Variants in MAPK6 observed in about 807,000 individuals in gnomAD.
The protein encoded by MAPK6 is ERK-3.
MAPK6 carries 19 observed loss-of-function variants against 59.3 expected under a neutral mutation model. The ratio of observed to expected loss-of-function variants is 0.32; its 90% confidence interval spans 0.22 to 0.47. MAPK6 has a LOEUF of 0.47. MAPK6 is among the 20% of genes least tolerant of loss of function. MAPK6 has a pLI of 1.00. For missense variants in MAPK6, 724 were observed against 847.9 expected (o/e 0.85, Z 1.81); for synonymous variants, 316 against 290.3 (o/e 1.09, Z -0.90).
chr15:52,060,280 A>G (rs993280303), intron 4 of MAPK6, among the ~76,000 whole-genome samples: 2 of 152,172 alleles, frequency 1.3e-5, no homozygotes, highest in Non-Finnish European at 2.9e-5. Context: ...TTCTTTCTAG[A>G]GTACAGGTTG....
chr15:51,991,146 TATACAC>T (rs1376476407), intron 2 of MAPK6, among the ~76,000 whole-genome samples: 24 of 120,428 alleles, frequency 2.0e-4, no homozygotes, highest in African/African-American at 7.1e-4. Context: ...AATATATATA[TATACAC>T]ACACACACAC....
chr15:52,050,994 G>A (rs2031759590), intron 3 of MAPK6, among the ~76,000 whole-genome samples: 1 of 152,126 alleles, frequency 6.6e-6, no homozygotes, highest in African/African-American at 2.4e-5. Flanking sequence ...TTTTTAGTTG[G>A]GGAAGTGGTG....
intron 1 of MAPK6, among the ~76,000 whole-genome samples, chr15:52,025,797 T>A (rs193293473): frequency 0.014 from 2,065 of 151,930 alleles, 53 homozygotes; most frequent in African/African-American, 0.048. Context: ...CAAAAAAAAA[T>A]AAAAATAGTT....
chr15:52,021,001 A>C (rs2030506393), intron 1 of MAPK6, among the ~76,000 whole-genome samples: 1 of 152,230 alleles, frequency 6.6e-6, no homozygotes, highest in Admixed American at 6.5e-5. Flanking sequence ...AGACTATTTT[A>C]GAAAAAACTT....
At chr15:51,983,195 T>A (rs1014461512) in intron 1 of MAPK6, among the ~76,000 whole-genome samples, 1 of 151,618 alleles carries the variant, frequency 6.6e-6, no homozygotes, top group African/African-American at 2.4e-5. Context: ...ACCTTTAGAA[T>A]TTTTTTTTAG....
At chr15:52,052,698 A>G (rs1263689193) in intron 3 of MAPK6, among the ~76,000 whole-genome samples, 1 of 152,160 alleles carries the variant, frequency 6.6e-6, no homozygotes. Flanking sequence ...TTGGAGGTTT[A>G]CCCATGTTGT....
intron 1 of MAPK6, among the ~76,000 whole-genome samples, chr15:51,979,078 C>T (rs2057165307): frequency 1.4e-5 from 2 of 145,542 alleles, no homozygotes; most frequent in African/African-American, 5.1e-5. Context: ...GCCACTGCAC[C>T]CCAGCCGGGG....
intron 1 of MAPK6, among the ~76,000 whole-genome samples, chr15:52,027,205 C>T (rs969358636): frequency 1.3e-5 from 2 of 151,578 alleles, no homozygotes; most frequent in Admixed American, 1.3e-4. Context: ...TACGAAAAAA[C>T]TGGCCATGGT....
At chr15:52,032,489 C>T (rs973521930) in intron 1 of MAPK6, among the ~76,000 whole-genome samples, 6 of 151,986 alleles carry the variant, frequency 3.9e-5, no homozygotes, top group Non-Finnish European at 8.8e-5. Flanking sequence ...TGTGCCTGGC[C>T]GTGGATAGAT....
intron 1 of MAPK6, among the ~76,000 whole-genome samples, chr15:51,982,110 TAGAA>T (rs1258452742): frequency 1.3e-4 from 20 of 152,102 alleles, no homozygotes; most frequent in South Asian, 1.2e-3. Context: ...ATTTTACAAA[TAGAA>T]AGGAACCACT....
chr15:51,981,518 A>G (rs960000568), intron 1 of MAPK6, among the ~76,000 whole-genome samples: 29 of 152,140 alleles, frequency 1.9e-4, no homozygotes, highest in African/African-American at 5.5e-4. Context: ...GACTTATGTG[A>G]AGAAAAAAAG....
chr15:52,049,050 A>G (rs2031691693), intron 2 of MAPK6, among the ~76,000 whole-genome samples: 2 of 152,204 alleles, frequency 1.3e-5, no homozygotes, highest in Admixed American at 1.3e-4. Context: ...CATCACACCT[A>G]TAAAATGGAG....
chr15:52,021,828 G>A (rs2030540894), intron 1 of MAPK6, among the ~76,000 whole-genome samples: 1 of 152,000 alleles, frequency 6.6e-6, no homozygotes, highest in South Asian at 2.1e-4. Context: ...TGATTTATGT[G>A]AATTTTCTGT....
chr15:51,974,734 G>T (rs866927712), intron 1 of MAPK6, among the ~76,000 whole-genome samples: 1 of 122,346 alleles, frequency 8.2e-6, no homozygotes, highest in Non-Finnish European at 1.7e-5. Context: ...TTCCCCCCCC[G>T]CAAGACAGAG....
intron 5 of MAPK6, 63 bp downstream of exon 5, chr15:52,061,563 A>G (rs1046122649): frequency 4.9e-6 from 6 of 1,231,986 alleles, no homozygotes; most frequent in Non-Finnish European, 6.9e-6. Flanking sequence ...ATATGTAGTG[A>G]GTTTTTTTAA....
At chr15:52,021,665 CAGAT>C (rs1480805760) in intron 1 of MAPK6, 1 of 152,088 alleles carries the variant, frequency 6.6e-6, no homozygotes, top group African/African-American at 2.4e-5. Context: ...TTATAAAGGA[CAGAT>C]AGTACTTTTA....
chr15:52,034,243 C>A (rs888509271), intron 1 of MAPK6, among the ~76,000 whole-genome samples: 2 of 152,162 alleles, frequency 1.3e-5, no homozygotes, highest in Non-Finnish European at 2.9e-5. Flanking sequence ...CCTCAGCCTC[C>A]CAAAGTGCTG....
intron 1 of MAPK6, chr15:52,019,851 C>A (rs1303301821): frequency 6.6e-6 from 1 of 152,472 alleles, no homozygotes; most frequent in Non-Finnish European, 1.5e-5. Context: ...GGCGTGGAGT[C>A]TCGCCTTACT....
chr15:52,038,370 C>T (rs886684385), intron 1 of MAPK6, among the ~76,000 whole-genome samples: 24 of 152,156 alleles, frequency 1.6e-4, no homozygotes, highest in East Asian at 1.9e-4. Context: ...CTTGGGTATA[C>T]GTATGACCAT....
Sources: allele counts gnomAD v4.1 joint callset (sites outside exome capture counted in the v4.1 genomes callset), GRCh38; gene constraint gnomAD v4.1.1; transcripts MANE v1.5; gene names NCBI Gene and HGNC (gene_info 2026-07-23, HGNC 2026-07-21).